Variants in DOCK5 observed in about 807,000 individuals in gnomAD.
DOCK5 encodes dedicator of cytokinesis 5.
In DOCK5, 142 loss-of-function variants were observed where a neutral mutation model predicts 251.8. That is an observed-to-expected ratio of 0.56 (90% confidence interval 0.49 to 0.65). The LOEUF (loss-of-function observed/expected upper bound fraction) is 0.65. Ranked by LOEUF, DOCK5 falls within the 30% of genes least tolerant of loss-of-function variation. The pLI is 0.00. For synonymous variants in DOCK5, 842 were observed against 835.5 expected, an observed-to-expected ratio of 1.01 and a Z score of -0.13; for missense variants, 2,111 against 2,312.3, an observed-to-expected ratio of 0.91 and a Z score of 1.79.
chr8:25,193,609 CA>C (rs1324967101), intron 1 of DOCK5, among the ~76,000 whole-genome samples: 2 of 151,444 alleles, frequency 1.3e-5, no homozygotes, highest in Non-Finnish European at 2.9e-5. Context: ...AAAAAAAATA[CA>C]AAAATTAGCT....
chr8:25,252,497 TG>T (rs1368402133), intron 2 of DOCK5, among the ~76,000 whole-genome samples: 1 of 152,226 alleles, frequency 6.6e-6, no homozygotes, highest in East Asian at 1.9e-4. Context: ...CCTAACAGCT[TG>T]GATTTTATGA....
Position 25,185,046 on chromosome 8 carries a change from C to G in DOCK5, c.43+95C>G, listed in dbSNP as rs530253014. 3 of 1,237,308 alleles carry G rather than the reference C, an allele frequency of 2.4e-6. No homozygotes were observed. In the African/African-American group the frequency reaches 4.7e-5, roughly 19 times the overall value. 76.6% of individuals were successfully genotyped at this position (1,237,308 alleles called of 1,614,324 possible). A position where few individuals can be genotyped will look rare whatever the true frequency, so the allele number is the denominator to read the frequency against. ...GTTTGCGCAGAGCCCGGCGGAGGAC[C>G]CTGGCCGGGGGCTCGGCCCGGCTGC... On this transcript the variant is annotated intron_variant, in intron 1 of 51. Coordinates refer to ENST00000276440, the MANE Select transcript of DOCK5 (RefSeq NM_024940.8).
rs563995099 is a variant in DOCK5, at chr8:25,407,128, TTTA to T, written c.5094-851_5094-849del. 9.9e-4 allele frequency among the ~76,000 whole-genome samples: 151 copies of T among 152,290 alleles called. 2 individuals carry two copies. The South Asian group carries it at 0.031, about 31-fold the overall frequency. ...AACTTGTATCAGTATAAAATATATT[TTTA>T]TTAAAAACTATAGCAAACATATTTG... On this transcript the variant is annotated intron_variant, in intron 48 of 51. Transcript: ENST00000276440.
At chr8:25,400,497 CAA>C (rs4056277) in intron 46 of DOCK5, among the ~76,000 whole-genome samples, 1 of 76,366 alleles carries the variant, frequency 1.3e-5, no homozygotes, top group African/African-American at 4.9e-5. Context: ...GACTCCATCT[CAA>C]AAAAAAAAAA....
chr8:25,336,433 C>G (rs1346527259), intron 22 of DOCK5, 60 bp downstream of exon 22: 2 of 1,591,810 alleles, frequency 1.3e-6, no homozygotes, highest in East Asian at 4.5e-5. Context: ...GTGCTTTTTC[C>G]CTCACTCTGC....
intron 30 of DOCK5, among the ~76,000 whole-genome samples, chr8:25,365,905 C>A (rs942027536): frequency 1.3e-5 from 2 of 152,140 alleles, no homozygotes; most frequent in African/African-American, 4.8e-5. Flanking sequence ...CACAGAGATG[C>A]ATGCACATAT....
chr8:25,303,150 TAGTA>T (rs1166956267), intron 10 of DOCK5, among the ~76,000 whole-genome samples: 2 of 152,134 alleles, frequency 1.3e-5, no homozygotes, highest in African/African-American at 4.8e-5. Context: ...GGCACAGAGA[TAGTA>T]AGAGATGGAT....
rs750609584 is a variant in DOCK5, at chr8:25,316,989, A to G, written c.1319-18A>G. On this transcript the variant is annotated intron_variant, in intron 13 of 51. Coordinates refer to ENST00000276440, the MANE Select transcript of DOCK5 (RefSeq NM_024940.8). ...GACTTCTCTCAGCAACACTCACAGC[A>G]TGCTTATCATGTTGCAGGAGATGTT... 3.1e-6 allele frequency: 5 copies of G among 1,613,480 alleles called. No homozygotes were observed. The South Asian group carries it at 3.3e-5, about 11-fold the overall frequency.
intron 4 of DOCK5, among the ~76,000 whole-genome samples, 160 bp downstream of exon 4, chr8:25,275,601 G>C (rs994064273): frequency 1.3e-5 from 2 of 152,140 alleles, no homozygotes; most frequent in African/African-American, 4.8e-5. Flanking sequence ...TTGGGAGACC[G>C]AGGTGGGCAG....
chr8:25,403,515 T>C (rs1308662509), intron 47 of DOCK5, 43 bp from the exon 48 acceptor site: 37 of 1,603,734 alleles, frequency 2.3e-5, no homozygotes, highest in Non-Finnish European at 3.1e-5. Context: ...TCATAGGGGC[T>C]GGATTCCAGG....
chr8:25,408,207 C>G, intron 49 of DOCK5, 53 bp downstream of exon 49: 1 of 1,511,144 alleles, frequency 6.6e-7, no homozygotes, highest in Non-Finnish European at 8.9e-7. Context: ...CCCCCTCTCC[C>G]CTGTACCCAG....
chr8:25,226,722 A>G (rs1398361950), intron 1 of DOCK5, among the ~76,000 whole-genome samples: 1 of 151,924 alleles, frequency 6.6e-6, no homozygotes, highest in Non-Finnish European at 1.5e-5. Flanking sequence ...AGTAGCTGGG[A>G]CTACAGGCGC....
intron 5 of DOCK5, among the ~76,000 whole-genome samples, chr8:25,287,455 A>G (rs1007112160): frequency 4.6e-5 from 7 of 152,136 alleles, no homozygotes; most frequent in Non-Finnish European, 1.0e-4. Flanking sequence ...TTGGACTAAA[A>G]CTACAAAAAG....
At chr8:25,232,314 A>T (rs1563317451) in intron 1 of DOCK5, among the ~76,000 whole-genome samples, 1 of 88,724 alleles carries the variant, frequency 1.1e-5, no homozygotes, top group Non-Finnish European at 2.1e-5. Flanking sequence ...TGCAATGCAG[A>T]ACAAGGCTGA....
At chr8:25,259,859 C>T (rs1477074865) in intron 2 of DOCK5, among the ~76,000 whole-genome samples, 1 of 152,180 alleles carries the variant, frequency 6.6e-6, no homozygotes, top group Non-Finnish European at 1.5e-5. Flanking sequence ...AGATAATTAA[C>T]CTGGAAGACT....
intron 1 of DOCK5, among the ~76,000 whole-genome samples, chr8:25,235,517 C>T (rs532632565): frequency 3.3e-5 from 5 of 152,154 alleles, no homozygotes; most frequent in African/African-American, 4.8e-5. Flanking sequence ...CTCAGCCTCC[C>T]GAAATGCTGG....
intron 2 of DOCK5, among the ~76,000 whole-genome samples, chr8:25,254,658 C>T (rs1160620809): frequency 6.6e-6 from 1 of 151,234 alleles, no homozygotes; most frequent in Admixed American, 6.6e-5. Flanking sequence ...AGCTGTAATC[C>T]CAGCTACTTG....
chr8:25,196,111 C>T (rs973590829), intron 1 of DOCK5, among the ~76,000 whole-genome samples: 1 of 152,120 alleles, frequency 6.6e-6, no homozygotes, highest in African/African-American at 2.4e-5. Flanking sequence ...TACGTGAATC[C>T]TGTGGGGTGG....
At chr8:25,240,567 C>A (rs991061345) in intron 1 of DOCK5, among the ~76,000 whole-genome samples, 1 of 152,220 alleles carries the variant, frequency 6.6e-6, no homozygotes, top group African/African-American at 2.4e-5. Flanking sequence ...ACTATGTGGT[C>A]TTTTGCATCT....
Sources: gnomAD v4.1 joint callset for allele counts (sites outside exome capture counted in the v4.1 genomes callset) on GRCh38, gnomAD v4.1.1 for gene constraint, MANE v1.5 for transcripts, NCBI Gene and HGNC (gene_info 2026-07-23, HGNC 2026-07-21) for gene names.